DIAPH3: variants seen among roughly 807,000 people sequenced by gnomAD.
DIAPH3 encodes the protein protein diaphanous homolog 3.
DIAPH3 carries 117 observed loss-of-function variants against 144.3 expected under a neutral mutation model. The ratio of observed to expected loss-of-function variants is 0.81; its 90% CI spans 0.70 to 0.95. The LOEUF (loss-of-function observed/expected upper bound fraction) is 0.95. Among genes scored for constraint, DIAPH3 ranks in the 40% least tolerant of loss-of-function variants. The pLI is 0.00. For missense variants in DIAPH3, 1,421 were observed against 1,412.7 expected (o/e 1.01, Z -0.09); for synonymous variants, 519 against 488.9 (o/e 1.06, Z -0.81).
intron 5 of DIAPH3, among the ~76,000 whole-genome samples, chr13:60,042,221 T>C (rs956931431): frequency 6.6e-6 from 1 of 152,168 alleles, no homozygotes; most frequent in Non-Finnish European, 1.5e-5. Flanking sequence ...GTGTCTAGAA[T>C]TGAATATTTC....
intron 1 of DIAPH3, among the ~76,000 whole-genome samples, chr13:60,157,674 T>C (rs550168099): frequency 2.0e-5 from 3 of 152,356 alleles, no homozygotes; most frequent in Admixed American, 2.0e-4. Flanking sequence ...CACTGTATCC[T>C]GAACATTGTG....
chr13:60,023,403 T>C (rs1457989825), intron 5 of DIAPH3, among the ~76,000 whole-genome samples: 1 of 152,138 alleles, frequency 6.6e-6, no homozygotes, highest in African/African-American at 2.4e-5. Context: ...GGCACTGCTT[T>C]CAAGATGTTT....
intron 1 of DIAPH3, among the ~76,000 whole-genome samples, chr13:60,146,047 C>T (rs199627206): frequency 6.6e-6 from 1 of 151,756 alleles, no homozygotes; most frequent in South Asian, 2.1e-4. Flanking sequence ...TTTAATACTA[C>T]TTATTACACC....
chr13:59,725,209 T>C (rs181520813), intron 27 of DIAPH3, among the ~76,000 whole-genome samples: 33 of 152,336 alleles, frequency 2.2e-4, no homozygotes, highest in Non-Finnish European at 3.5e-4. Flanking sequence ...CAGCCTAATA[T>C]GGCAGTTGTT....
intron 27 of DIAPH3, among the ~76,000 whole-genome samples, chr13:59,731,666 C>T (rs574749886): frequency 1.3e-5 from 2 of 152,068 alleles, no homozygotes; most frequent in Non-Finnish European, 2.9e-5. Flanking sequence ...GTGAGTAAAT[C>T]AACGTTGAGA....
At chr13:59,848,568 T>A (rs2042801771) in intron 22 of DIAPH3, among the ~76,000 whole-genome samples, 1 of 139,920 alleles carries the variant, frequency 7.1e-6, no homozygotes, top group Non-Finnish European at 1.5e-5. Flanking sequence ...TATGCGGTGT[T>A]TGGTTTTTTG....
intron 25 of DIAPH3, among the ~76,000 whole-genome samples, chr13:59,804,105 T>C (rs768759023): frequency 3.9e-5 from 6 of 152,176 alleles, no homozygotes; most frequent in Non-Finnish European, 7.3e-5. Flanking sequence ...CTCAGAAAAG[T>C]TGACCTCTGG....
At chr13:59,762,251 G>A (rs1226991685) in intron 27 of DIAPH3, among the ~76,000 whole-genome samples, 7 of 151,694 alleles carry the variant, frequency 4.6e-5, no homozygotes, top group African/African-American at 7.3e-5. Flanking sequence ...TAGTAGAGAC[G>A]GGGTTTCACC....
intron 27 of DIAPH3, among the ~76,000 whole-genome samples, chr13:59,751,467 T>C (rs1163697469): frequency 6.6e-6 from 1 of 152,266 alleles, no homozygotes; most frequent in Non-Finnish European, 1.5e-5. Flanking sequence ...GATTTTTCTA[T>C]TTGTAAACAC....
At chr13:60,135,240 C>A (rs369583937) in intron 1 of DIAPH3, among the ~76,000 whole-genome samples, 1 of 136,506 alleles carries the variant, frequency 7.3e-6, no homozygotes, top group African/African-American at 2.7e-5. Context: ...CATTTTTGGT[C>A]ATGGTTTTCT....
intron 19 of DIAPH3, among the ~76,000 whole-genome samples, chr13:59,914,855 C>T (rs895003507): frequency 6.6e-6 from 1 of 152,048 alleles, no homozygotes; most frequent in Admixed American, 6.6e-5. Flanking sequence ...TTATGTTTTA[C>T]AGGAATGTAA....
chr13:59,961,781 T>C (rs961010079), intron 17 of DIAPH3, among the ~76,000 whole-genome samples: 1 of 152,210 alleles, frequency 6.6e-6, no homozygotes, highest in Non-Finnish European at 1.5e-5. Flanking sequence ...AACTTTCTTA[T>C]ATATAAATGT....
intron 4 of DIAPH3, among the ~76,000 whole-genome samples, chr13:60,086,600 CAAA>C (rs34701467): frequency 2.7e-4 from 40 of 147,892 alleles, no homozygotes; most frequent in African/African-American, 5.2e-4. Flanking sequence ...GAAATAGAAG[CAAA>C]AAAAAAAAAA....
At chr13:60,011,867 C>A (rs1023519083) in intron 7 of DIAPH3, among the ~76,000 whole-genome samples, 52 of 152,238 alleles carry the variant, frequency 3.4e-4, no homozygotes, top group African/African-American at 1.2e-3. Context: ...TTATTTACTA[C>A]TGCCAGGAAG....
chr13:59,693,723 T>C (rs1439187847), intron 27 of DIAPH3, among the ~76,000 whole-genome samples: 1 of 152,150 alleles, frequency 6.6e-6, no homozygotes, highest in African/African-American at 2.4e-5. Flanking sequence ...AAGAAAATTA[T>C]TGTAAAATGA....
At chr13:60,076,617 C>T (rs1195059581) in intron 4 of DIAPH3, among the ~76,000 whole-genome samples, 4 of 152,190 alleles carry the variant, frequency 2.6e-5, no homozygotes, top group East Asian at 3.9e-4. Context: ...GAGATAAATG[C>T]CTCATCTTTG....
intron 22 of DIAPH3, among the ~76,000 whole-genome samples, chr13:59,852,201 T>C (rs1387919271): frequency 1.3e-5 from 2 of 152,218 alleles, no homozygotes; most frequent in East Asian, 3.8e-4. Context: ...TGATCAATTT[T>C]AAATCTATAC....
At chr13:59,788,123 A>C (rs181342609) in intron 25 of DIAPH3, among the ~76,000 whole-genome samples, 1 of 152,372 alleles carries the variant, frequency 6.6e-6, no homozygotes, top group African/African-American at 2.4e-5. Flanking sequence ...GATGTGATAT[A>C]ATCCTCAACC....
chr13:59,828,372 T>C (rs1190249403), intron 24 of DIAPH3, among the ~76,000 whole-genome samples: 1 of 151,978 alleles, frequency 6.6e-6, no homozygotes, highest in Non-Finnish European at 1.5e-5. Context: ...TAGACAATTA[T>C]TATACCCAAG....
Sources: gnomAD v4.1 joint callset for allele counts (sites outside exome capture counted in the v4.1 genomes callset) on GRCh38, gnomAD v4.1.1 for gene constraint, MANE v1.5 for transcripts, NCBI Gene and HGNC (gene_info 2026-07-23, HGNC 2026-07-21) for gene names.